Variants in TTC4 observed in about 807,000 individuals in gnomAD.
The protein encoded by TTC4 is tetratricopeptide repeat domain 4.
TTC4 carries 36 observed loss-of-function variants against 51.9 expected under a neutral mutation model. The observed-to-expected ratio is 0.69, with a 90% confidence interval of 0.53 to 0.92. TTC4 has a LOEUF of 0.92. TTC4 is among the 40% of genes least tolerant of loss of function. TTC4 has a pLI of 0.00. For missense variants in TTC4, 399 were observed against 454.6 expected (o/e 0.88, Z 1.11); for synonymous variants, 144 against 164.2 (o/e 0.88, Z 0.94).
chr1:54,731,385 T>C, intron 6 of TTC4, 101 bp from the exon 7 acceptor site: 1 of 1,058,330 alleles, frequency 9.4e-7, no homozygotes, highest in Non-Finnish European at 1.3e-6. Flanking sequence ...AATAAAAAAA[T>C]TAGCCAGGCA....
Position 54,721,170 on chromosome 1 carries a change from TCGTTCTGCTCTCAATGATGTGACAGC to T in TTC4, c.400_425del (p.Arg134CysfsTer33), listed in dbSNP as rs759673565. ...TAAACGGTGTTTTGTTAGGCAATTTTCGTTCTGCTCTCAATGATGTGACAGCTGCCAGAAAGCTAAAACCCTGCCAC... is the reference window on the plus strand; with the variant it reads ...TAAACGGTGTTTTGTTAGGCAATTTTTGCCAGAAAGCTAAAACCCTGCCAC... On this transcript the variant is annotated frameshift_variant, in exon 4 of 10. Transcript: ENST00000371281. LOFTEE classifies it high-confidence loss of function. The T allele has an allele frequency of 3.1e-6, 5 of 1,613,382 alleles. No homozygotes were observed. In the South Asian group the frequency reaches 5.5e-5, roughly 18 times the overall value.
intron 7 of TTC4, among the ~76,000 whole-genome samples, chr1:54,732,057 C>T (rs1311691581): frequency 1.8e-4 from 28 of 151,972 alleles, no homozygotes; most frequent in Admixed American, 1.8e-3. Flanking sequence ...AGAGGCTGGG[C>T]GCTGTGGCTT....
intron 7 of TTC4, among the ~76,000 whole-genome samples, chr1:54,732,672 C>T (rs1480613208): frequency 6.6e-6 from 1 of 151,872 alleles, no homozygotes; most frequent in Non-Finnish European, 1.5e-5. Context: ...GTTGCCCAGG[C>T]TTGTCTTGAA....
In TTC4 at chr1:54,732,542, T is replaced by C. The variant is rs958421381; in HGVS notation, c.896+842T>C. Among the ~76,000 whole-genome samples, 24 of 150,068 alleles carry C rather than the reference T, an allele frequency of 1.6e-4. No homozygotes were observed. In the East Asian group the frequency reaches 4.3e-3, roughly 27 times the overall value. On this transcript the variant is annotated intron_variant, in intron 7 of 9. Transcript: ENST00000371281. ...GGCATGATTATGGTTCATCACAGCC[T>C]CCAGCCCCCAGGCTCAGGTGATCCT...
chr1:54,741,645 C>A lies in TTC4; in HGVS notation c.*132C>A. The A allele has an allele frequency of 1.3e-6, 1 of 749,082 alleles. No homozygotes were observed. Among genetic ancestry groups the A allele is most frequent in the Non-Finnish European group, 2.2e-6 (1 of 450,302 alleles). The allele number at this position is 749,082 out of a possible 1,614,324, so 46.4% of individuals were successfully genotyped here. A position where few individuals can be genotyped will look rare whatever the true frequency, so the allele number is the denominator to read the frequency against. Reference sequence around the variant, plus strand: ...CCCTGGGGATAGTCCTTCCTGGCATCGTGGTGGGGGAGGAGCCTCTGGCTT... The same window carrying A: ...CCCTGGGGATAGTCCTTCCTGGCATAGTGGTGGGGGAGGAGCCTCTGGCTT... On this transcript the variant is annotated 3_prime_UTR_variant, in exon 10 of 10. Coordinates refer to ENST00000371281, the MANE Select transcript of TTC4 (RefSeq NM_004623.5).
intron 6 of TTC4, 77 bp from the exon 7 acceptor site, chr1:54,731,409 A>G: frequency 1.4e-6 from 2 of 1,392,490 alleles, no homozygotes; most frequent in Non-Finnish European, 1.9e-6. Flanking sequence ...TGGTTTCTTT[A>G]TTTCAGTAAA....
At chr1:54,716,049 G>T in intron 1 of TTC4, 30 bp downstream of exon 1, 3 of 1,541,290 alleles carry the variant, frequency 1.9e-6, no homozygotes, top group Non-Finnish European at 2.6e-6. Context: ...CCCCACGTGT[G>T]TAGGGGCGTC....
intron 8 of TTC4, chr1:54,737,329 G>A: frequency 2.4e-6 from 1 of 414,834 alleles, no homozygotes; most frequent in South Asian, 2.9e-5. Context: ...CTGTTTACCA[G>A]CAGGGTAATG....
intron 8 of TTC4, among the ~76,000 whole-genome samples, chr1:54,735,217 A>G (rs1645919637): frequency 6.6e-6 from 1 of 152,084 alleles, no homozygotes; most frequent in African/African-American, 2.4e-5. Context: ...TGGATTATAC[A>G]TACTTGTTTG....
intron 6 of TTC4, 107 bp downstream of exon 6, chr1:54,728,539 T>G: frequency 8.5e-7 from 1 of 1,170,834 alleles, no homozygotes; most frequent in South Asian, 1.5e-5. Context: ...ATTTGTTCAT[T>G]TTCTTTCTAC....
intron 8 of TTC4, 63 bp downstream of exon 8, chr1:54,733,773 TG>T (rs1645900949): frequency 1.3e-6 from 1 of 744,472 alleles, no homozygotes; most frequent in Non-Finnish European, 2.0e-6. Context: ...TTTTTTTTTT[TG>T]CGGCGGGGGA....
rs75652896 is a variant in TTC4, at chr1:54,721,926, G to T, written c.469+686G>T. On this transcript the variant is annotated intron_variant, in intron 4 of 9. Transcript: ENST00000371281. ...ATCCTGTGGAATTTGCCTCAGGCTA[G>T]AAGTGTGTAATCCTTGATTCAGTTG... 5.3e-3 allele frequency among the ~76,000 whole-genome samples: 801 copies of T among 152,326 alleles called. 10 individuals carry two copies. Among genetic ancestry groups the T allele is most frequent in the African/African-American group, 0.019 (772 of 41,566 alleles).
rs893128451 is a variant in TTC4 at position 54,734,149 on chromosome 1, G to T, written c.978+439G>T. ...TGCAGTGGTGCGATCTTGGCTCACT[G>T]CAACCTCTGCCTCCCAGGTTCAAGC... is the stretch of plus-strand genomic sequence containing the variant. On this transcript the variant is annotated intron_variant, in intron 8 of 9. Transcript: ENST00000371281. Among the ~76,000 whole-genome samples the T allele has an allele frequency of 6.6e-5, 10 of 152,180 alleles. 1 individual carries two copies. The East Asian group carries it at 1.7e-3, about 26-fold the overall frequency.
At position 54,722,684 on chromosome 1, in the gene TTC4, G is replaced by A. The variant is rs373010912; in HGVS notation, c.479G>A (p.Cys160Tyr). The change falls in exon 5 of 10, where the codon TGC (cysteine) becomes TAC (tyrosine). Residue 160 changes from cysteine to tyrosine, a missense_variant. Physicochemically the swap from Cys to Tyr is radical, Grantham distance 194. Around this residue, in one of 3 missense-constraint regions of TTC4, gnomAD observed 316 missense variants for 349.6 expected, o/e 0.90. Coordinates refer to ENST00000371281, the MANE Select transcript of TTC4 (RefSeq NM_004623.5). ...HLKAIIRGAL[C>Y]HLELKHFAEA... ...GTTCTGGGTTCTGCAGGTGCCTTATGCCATCTGGAACTGAAACACTTTGCC... is the reference window on the plus strand; with the variant it reads ...GTTCTGGGTTCTGCAGGTGCCTTATACCATCTGGAACTGAAACACTTTGCC... 1 of 1,613,804 alleles carries A rather than the reference G, an allele frequency of 6.2e-7. No individual in the cohort carries two copies. Among genetic ancestry groups the A allele is most frequent in the Non-Finnish European group, 8.5e-7 (1 of 1,179,834 alleles).
At chr1:54,719,971 A>T (rs12065675) in intron 3 of TTC4, among the ~76,000 whole-genome samples, 13,800 of 150,468 alleles carry the variant, frequency 0.092, 888 homozygotes, top group South Asian at 0.19. Context: ...TGATCATAGC[A>T]TAGTGCAATC....
At chr1:54,717,845 CTTA>C in intron 3 of TTC4, 192 bp downstream of exon 3, 2 of 482,450 alleles carry the variant, frequency 4.1e-6, no homozygotes, top group South Asian at 7.8e-5. Flanking sequence ...TTGTGTAATT[CTTA>C]CTGTCTCAAC....
At chr1:54,720,437 C>CT (rs67813981) in intron 3 of TTC4, among the ~76,000 whole-genome samples, 187 of 128,716 alleles carry the variant, frequency 1.5e-3, no homozygotes, top group African/African-American at 3.2e-3. Context: ...TGACTGCATA[C>CT]TTTTTTTTTT....
intron 8 of TTC4, among the ~76,000 whole-genome samples, chr1:54,734,476 C>A (rs1557751785): frequency 6.6e-6 from 1 of 152,134 alleles, no homozygotes; most frequent in African/African-American, 2.4e-5. Context: ...GCAACCTTGC[C>A]TCTTGGTTCA....
At chr1:54,717,456 G>C in intron 2 of TTC4, 36 bp from the exon 3 acceptor site, 1 of 1,442,298 alleles carries the variant, frequency 6.9e-7, no homozygotes, top group African/African-American at 1.4e-5. Context: ...CTTTTAAAAA[G>C]TAAGCAATAG....
Sources: gnomAD v4.1 joint callset for allele counts (sites outside exome capture counted in the v4.1 genomes callset) on GRCh38, gnomAD v4.1.1 for gene constraint, gnomAD v4.1.1 regional missense constraint, MANE v1.5 for transcripts, NCBI Gene and HGNC (gene_info 2026-07-23, HGNC 2026-07-21) for gene names.